Variants in ADGRL3 observed in about 807,000 individuals in gnomAD.
The protein encoded by ADGRL3 is adhesion G protein-coupled receptor L3.
Under a neutral mutation model 153.5 loss-of-function variants are expected in ADGRL3, and 62 were observed. The observed-to-expected ratio is 0.40, with a 90% CI of 0.33 to 0.50. The LOEUF (loss-of-function observed/expected upper bound fraction) is 0.50. Ranked by LOEUF, ADGRL3 falls within the 20% of genes least tolerant of loss-of-function variation. ADGRL3 has a pLI of 0.47. For synonymous variants in ADGRL3, 710 were observed against 672.5 expected (o/e 1.06, Z -0.86); for missense variants, 1,641 against 1,859.4 (o/e 0.88, Z 2.16).
chr4:61,481,335 A>G (rs2098129677), intron 2 of ADGRL3, among the ~76,000 whole-genome samples: 1 of 152,196 alleles, frequency 6.6e-6, no homozygotes, highest in Admixed American at 6.5e-5. Flanking sequence ...ATATCTGAGG[A>G]TGCCAGTATT....
chr4:61,381,317 G>GTA (rs1215850722), intron 1 of ADGRL3, among the ~76,000 whole-genome samples: 1 of 151,408 alleles, frequency 6.6e-6, no homozygotes, highest in Non-Finnish European at 1.5e-5. Context: ...GTGTGTGTGT[G>GTA]TGTGTGTGTG....
At chr4:61,494,578 G>T (rs986069788) in intron 2 of ADGRL3, among the ~76,000 whole-genome samples, 1 of 152,164 alleles carries the variant, frequency 6.6e-6, no homozygotes, top group South Asian at 2.1e-4. Context: ...ATTGAGAATA[G>T]ATTTTCAGGT....
chr4:61,245,303 T>G (rs995183264), intron 1 of ADGRL3, among the ~76,000 whole-genome samples: 3 of 152,034 alleles, frequency 2.0e-5, no homozygotes, highest in African/African-American at 7.2e-5. Flanking sequence ...GCTCCCTTTC[T>G]CATCTATCAT....
chr4:61,959,572 T>G (rs568701536), intron 17 of ADGRL3, among the ~76,000 whole-genome samples: 1 of 152,298 alleles, frequency 6.6e-6, no homozygotes, highest in East Asian at 1.9e-4. Flanking sequence ...ACAGTCACAG[T>G]TTGGAACATT....
At chr4:61,388,548 C>G (rs2096767154) in intron 2 of ADGRL3, among the ~76,000 whole-genome samples, 1 of 152,210 alleles carries the variant, frequency 6.6e-6, no homozygotes, top group African/African-American at 2.4e-5. Context: ...AATCCTCTAT[C>G]TCACACATCC....
chr4:61,358,921 A>G (rs1263184736), intron 1 of ADGRL3, among the ~76,000 whole-genome samples: 1 of 152,152 alleles, frequency 6.6e-6, no homozygotes, highest in African/African-American at 2.4e-5. Flanking sequence ...TTTCTCAAAC[A>G]TCTTCACTAG....
Position 61,996,376 on chromosome 4 carries a change from C to T in ADGRL3, c.3303+19C>T, listed in dbSNP as rs768312213. The T allele has an allele frequency of 6.5e-7, 1 of 1,540,180 alleles. No homozygotes were observed. The highest frequency in any genetic ancestry group is 1.7e-5 in the Admixed American group (1 of 59,820). ...AATTATGGTAAGAATTCCTAATTAA[C>T]TATGTGTTTCCCAGATCAAGAAGTA... On this transcript the variant is annotated intron_variant, in intron 20 of 26. Coordinates refer to ENST00000683033, the MANE Select transcript of ADGRL3 (RefSeq NM_001387552.1).
intron 9 of ADGRL3, among the ~76,000 whole-genome samples, chr4:61,891,115 T>C (rs1581327121): frequency 6.6e-6 from 1 of 152,192 alleles, no homozygotes; most frequent in Non-Finnish European, 1.5e-5. Context: ...AAAGTAAATA[T>C]TGAAATGACT....
At chr4:61,272,417 A>G in intron 1 of ADGRL3, among the ~76,000 whole-genome samples, 1 of 152,250 alleles carries the variant, frequency 6.6e-6, no homozygotes, top group South Asian at 2.1e-4. Context: ...GGTAAGAATA[A>G]TATTGCTTTC....
intron 4 of ADGRL3, among the ~76,000 whole-genome samples, chr4:61,553,653 A>G (rs2098750858): frequency 6.6e-6 from 1 of 152,234 alleles, no homozygotes; most frequent in Non-Finnish European, 1.5e-5. Flanking sequence ...AAGTGTAGGC[A>G]TAAAAGGAAA....
At chr4:61,270,425 T>A (rs1380642507) in intron 1 of ADGRL3, among the ~76,000 whole-genome samples, 1 of 151,828 alleles carries the variant, frequency 6.6e-6, no homozygotes, top group Non-Finnish European at 1.5e-5. Context: ...CACACTGGAA[T>A]AATACTATTT....
intron 2 of ADGRL3, among the ~76,000 whole-genome samples, chr4:61,396,723 T>C (rs893640915): frequency 3.9e-5 from 6 of 151,976 alleles, no homozygotes; most frequent in African/African-American, 1.4e-4. Flanking sequence ...ATGCATAAAG[T>C]AGTAACTATA....
intron 1 of ADGRL3, among the ~76,000 whole-genome samples, chr4:61,230,325 G>T (rs1750051647): frequency 6.6e-6 from 1 of 151,914 alleles, no homozygotes; most frequent in Non-Finnish European, 1.5e-5. Context: ...GATTAGTTTT[G>T]GTTTAATTAA....
intron 1 of ADGRL3, among the ~76,000 whole-genome samples, chr4:61,346,300 T>C (rs1344801406): frequency 7.3e-6 from 1 of 137,666 alleles, no homozygotes; most frequent in Non-Finnish European, 1.5e-5. Context: ...TCTCTCTCTG[T>C]CACAGTCTAC....
chr4:61,736,686 C>T (rs1190622366), intron 8 of ADGRL3, among the ~76,000 whole-genome samples: 1 of 152,024 alleles, frequency 6.6e-6, no homozygotes, highest in African/African-American at 2.4e-5. Context: ...TAAAAGGATG[C>T]TATTGAAGTA....
intron 1 of ADGRL3, among the ~76,000 whole-genome samples, chr4:61,292,961 C>T (rs1392010633): frequency 6.6e-6 from 1 of 152,024 alleles, no homozygotes; most frequent in Non-Finnish European, 1.5e-5. Context: ...ATTTGAGGCC[C>T]CAAAGGAACA....
At chr4:61,298,109 T>C (rs1444716692) in intron 1 of ADGRL3, among the ~76,000 whole-genome samples, 2 of 152,168 alleles carry the variant, frequency 1.3e-5, no homozygotes, top group Non-Finnish European at 2.9e-5. Context: ...ACTGTTTATT[T>C]TTTACTGTAT....
chr4:61,649,121 T>A (rs2094153410), intron 5 of ADGRL3, among the ~76,000 whole-genome samples: 1 of 152,036 alleles, frequency 6.6e-6, no homozygotes, highest in Non-Finnish European at 1.5e-5. Flanking sequence ...TGTAACTAGA[T>A]ATTTGCAGTT....
At chr4:61,452,636 A>C (rs1258757624) in intron 2 of ADGRL3, among the ~76,000 whole-genome samples, 1 of 152,210 alleles carries the variant, frequency 6.6e-6, no homozygotes, top group African/African-American at 2.4e-5. Flanking sequence ...GTTTTGAGGC[A>C]TAAAATATAT....
Sources: allele counts gnomAD v4.1 joint callset (sites outside exome capture counted in the v4.1 genomes callset), GRCh38; gene constraint gnomAD v4.1.1; transcripts MANE v1.5; gene names NCBI Gene and HGNC (gene_info 2026-07-23, HGNC 2026-07-21).